NCAM2: variants seen among roughly 807,000 people sequenced by gnomAD.
NCAM2 encodes the protein neural cell adhesion molecule 2, also known as N-CAM-2.
In NCAM2, 30 loss-of-function variants were observed where a neutral mutation model predicts 98.1. The ratio of observed to expected loss-of-function variants is 0.31; its 90% CI spans 0.23 to 0.41. The LOEUF (loss-of-function observed/expected upper bound fraction) is 0.41, where lower values mean the gene tolerates loss of function less well. Among genes scored for constraint, NCAM2 ranks in the 10% least tolerant of loss-of-function variants. The pLI, the probability that NCAM2 is intolerant of heterozygous loss-of-function variation, is 1.00. For synonymous variants in NCAM2, 368 were observed against 342.4 expected (o/e 1.07, Z -0.83); for missense variants, 867 against 1,005.8 (o/e 0.86, Z 1.87).
At chr21:21,330,611 A>G (rs2826799) in intron 6 of NCAM2, among the ~76,000 whole-genome samples, 25,939 of 151,958 alleles carry the variant, frequency 0.17, 2,594 homozygotes, top group East Asian at 0.25. Flanking sequence ...CCTTGATAGT[A>G]TTGTGGAAGT....
At chr21:21,246,912 G>A (rs2071291447) in intron 1 of NCAM2, among the ~76,000 whole-genome samples, 1 of 152,156 alleles carries the variant, frequency 6.6e-6, no homozygotes, top group African/African-American at 2.4e-5. Flanking sequence ...TTATGGGCTA[G>A]CATGTGAATT....
At chr21:21,027,018 C>T (rs540492216) in intron 1 of NCAM2, among the ~76,000 whole-genome samples, 12 of 151,678 alleles carry the variant, frequency 7.9e-5, no homozygotes, top group African/African-American at 2.4e-4. Flanking sequence ...CATTGCCACC[C>T]GACCAATTTT....
intron 1 of NCAM2, among the ~76,000 whole-genome samples, chr21:21,215,964 T>G (rs922687469): frequency 6.6e-6 from 1 of 152,192 alleles, no homozygotes; most frequent in Non-Finnish European, 1.5e-5. Flanking sequence ...CGAATGCTGA[T>G]AAAATATTCT....
chr21:21,250,982 G>A (rs1231217837), intron 1 of NCAM2, among the ~76,000 whole-genome samples: 1 of 152,084 alleles, frequency 6.6e-6, no homozygotes, highest in East Asian at 1.9e-4. Context: ...CTCCACTAGT[G>A]CAGAACCAGA....
chr21:21,143,442 C>G (rs1321303267), intron 1 of NCAM2, among the ~76,000 whole-genome samples: 1 of 152,066 alleles, frequency 6.6e-6, no homozygotes, highest in East Asian at 1.9e-4. Flanking sequence ...TTAATGTAAT[C>G]AAATGTACCT....
intron 3 of NCAM2, among the ~76,000 whole-genome samples, chr21:21,285,678 A>G (rs1394992197): frequency 6.6e-6 from 1 of 151,986 alleles, no homozygotes; most frequent in Non-Finnish European, 1.5e-5. Flanking sequence ...TCACTCATTC[A>G]TTCATTCATT....
rs1990200938 is a variant in NCAM2, at chr21:21,540,760, C to T, written c.*2803C>T. 2 of 151,878 alleles carry T rather than the reference C, an allele frequency of 1.3e-5. No individual in the cohort carries two copies. The highest frequency in any genetic ancestry group is 6.6e-5 in the Admixed American group (1 of 15,208). The allele number at this position is 151,878 out of a possible 1,614,324, so 9.4% of individuals were successfully genotyped here. The stretch of plus-strand genomic sequence containing the variant: ...ATTTTAAACCAAGAGGCAAAGATAT[C>T]ACCTAAAACTTGGTATTTCTTGATA... On this transcript the variant is annotated 3_prime_UTR_variant, in exon 18 of 18. Transcript: ENST00000400546.
intron 5 of NCAM2, among the ~76,000 whole-genome samples, chr21:21,315,071 T>C (rs2074178230): frequency 6.6e-6 from 1 of 152,134 alleles, no homozygotes; most frequent in African/African-American, 2.4e-5. Flanking sequence ...TGCTCACTTT[T>C]TTTGTTGTTT....
chr21:21,309,033 A>T (rs981158608), intron 5 of NCAM2, among the ~76,000 whole-genome samples: 1 of 152,170 alleles, frequency 6.6e-6, no homozygotes, highest in Non-Finnish European at 1.5e-5. Context: ...TGAAAATAAA[A>T]ATAAGTTAAA....
chr21:21,148,459 A>G (rs1325305017), intron 1 of NCAM2, among the ~76,000 whole-genome samples: 1 of 152,186 alleles, frequency 6.6e-6, no homozygotes, highest in East Asian at 1.9e-4. Flanking sequence ...TCTCTGGAAA[A>G]ATTTATTTGT....
intron 1 of NCAM2, among the ~76,000 whole-genome samples, chr21:21,078,803 A>G (rs2065732694): frequency 1.3e-5 from 2 of 152,214 alleles, no homozygotes; most frequent in African/African-American, 4.8e-5. Flanking sequence ...CATCAATGAT[A>G]GATTAGATAA....
intron 1 of NCAM2, among the ~76,000 whole-genome samples, chr21:21,253,410 G>T (rs1295981621): frequency 1.3e-5 from 2 of 152,012 alleles, no homozygotes; most frequent in African/African-American, 4.8e-5. Context: ...GTATTAGGTG[G>T]TGGGGCCTTT....
chr21:21,159,067 T>C (rs1413745889), intron 1 of NCAM2, among the ~76,000 whole-genome samples: 1 of 152,104 alleles, frequency 6.6e-6, no homozygotes, highest in Non-Finnish European at 1.5e-5. Flanking sequence ...AGTAGGCCTA[T>C]GCTAATGGCT....
At chr21:21,311,381 C>T (rs1269408603) in intron 5 of NCAM2, among the ~76,000 whole-genome samples, 1 of 142,814 alleles carries the variant, frequency 7.0e-6, no homozygotes, top group East Asian at 2.1e-4. Flanking sequence ...CACTCTGTGG[C>T]CCAGGCTGGA....
intron 8 of NCAM2, among the ~76,000 whole-genome samples, chr21:21,342,963 C>G (rs1452101074): frequency 1.3e-5 from 2 of 152,182 alleles, no homozygotes; most frequent in Non-Finnish European, 2.9e-5. Flanking sequence ...GTCTCTCACT[C>G]TGCATAGTGC....
intron 1 of NCAM2, among the ~76,000 whole-genome samples, chr21:21,215,862 T>G (rs2069879360): frequency 6.6e-6 from 1 of 152,192 alleles, no homozygotes; most frequent in Non-Finnish European, 1.5e-5. Flanking sequence ...AACAATATTG[T>G]TTAGCTCCTT....
intron 9 of NCAM2, among the ~76,000 whole-genome samples, chr21:21,395,690 G>T (rs112229061): frequency 1.3e-5 from 2 of 152,052 alleles, no homozygotes; most frequent in African/African-American, 4.8e-5. Context: ...ACAAAATAGA[G>T]AACTCAGAAA....
At chr21:21,260,206 C>T (rs1392223707) in intron 1 of NCAM2, among the ~76,000 whole-genome samples, 2 of 151,614 alleles carry the variant, frequency 1.3e-5, no homozygotes, top group African/African-American at 4.8e-5. Flanking sequence ...TTATGTAAAA[C>T]AACCAAACCC....
At chr21:21,003,675 A>G (rs1245225260) in intron 1 of NCAM2, among the ~76,000 whole-genome samples, 2 of 152,162 alleles carry the variant, frequency 1.3e-5, no homozygotes, top group African/African-American at 2.4e-5. Context: ...TTTAGTTTTA[A>G]AAAATCATCA....
Sources: gnomAD v4.1 joint callset for allele counts (sites outside exome capture counted in the v4.1 genomes callset) on GRCh38, gnomAD v4.1.1 for gene constraint, MANE v1.5 for transcripts, NCBI Gene and HGNC (gene_info 2026-07-23, HGNC 2026-07-21) for gene names.